The following ZNF85 variants were observed in gnomAD, a reference collection of about 807,000 sequenced individuals.
ZNF85 encodes the protein zinc finger protein 85.
In ZNF85, 50 loss-of-function variants were observed where a neutral mutation model predicts 53.9. The observed-to-expected ratio is 0.93, with a 90% CI of 0.74 to 1.17. The LOEUF (loss-of-function observed/expected upper bound fraction) is 1.17. Among genes scored for constraint, ZNF85 ranks in the 50% most tolerant of loss-of-function variants. The pLI is 0.00. For synonymous variants in ZNF85, 225 were observed against 226.1 expected (o/e 1.00, Z 0.04); for missense variants, 747 against 688.5 (o/e 1.08, Z -0.95).
chr19:20,942,630 A>G (rs1431648893), intron 3 of ZNF85, among the ~76,000 whole-genome samples: 2 of 152,112 alleles, frequency 1.3e-5, no homozygotes, highest in Non-Finnish European at 2.9e-5. Context: ...ATTTTTTTGA[A>G]ACTTGGGCAA....
In ZNF85 at chr19:20,934,077, A is replaced by G; in HGVS notation, c.57A>G (p.Gln19=). The G allele has an allele frequency of 1.2e-6, 2 of 1,612,704 alleles. No individual in the cohort carries two copies. Among genetic ancestry groups the G allele is most frequent in the Non-Finnish European group, 1.7e-6 (2 of 1,179,374 alleles). ...VAIEFSLKEW[Q]CLDTAQRNLY... The stretch of plus-strand genomic sequence containing the variant: ...TAGAATTCTCTCTGAAGGAGTGGCA[A>G]TGCCTGGACACTGCACAGCGGAATT... The change falls in exon 2 of 4, where the codon CAA becomes CAG. Residue 19 remains glutamine, a synonymous_variant. Coordinates refer to ENST00000328178, the MANE Select transcript of ZNF85 (RefSeq NM_003429.5).
chr19:20,948,593 C>A (rs1389449055), intron 3 of ZNF85, 151 bp from the exon 4 acceptor site: 8 of 560,142 alleles, frequency 1.4e-5, no homozygotes, highest in Non-Finnish European at 2.4e-5. Context: ...GTTTTTGTTA[C>A]ATTTAAATGT....
rs1478639053 is a variant in ZNF85 at position 20,945,476 on chromosome 19, A to ATTTTGTT, written c.230-3265_230-3259dup. 3 of 149,588 alleles carry ATTTTGTT rather than the reference A, an allele frequency of 2.0e-5. No homozygotes were observed. The East Asian group carries it at 5.8e-4, about 29-fold the overall frequency. The allele number at this position is 149,588 out of a possible 1,614,324, so 9.3% of individuals were successfully genotyped here. On this transcript the variant is annotated intron_variant, in intron 3 of 3. Transcript: ENST00000328178. ...TTTGAAAACTGAGGGATATTCCAGTATTTTGTTTTCTGTTTTTTTGAGGTG... is the reference window on the plus strand; with the variant it reads ...TTTGAAAACTGAGGGATATTCCAGTATTTTGTTTTTTGTTTTCTGTTTTTTTGAGGTG...
intron 3 of ZNF85, among the ~76,000 whole-genome samples, chr19:20,939,096 G>T (rs1270786044): frequency 6.6e-6 from 1 of 152,058 alleles, no homozygotes; most frequent in African/African-American, 2.4e-5. Context: ...TACAGTGCCT[G>T]CCAATGATTC....
At chr19:20,936,312 C>T (rs1214292455) in intron 3 of ZNF85, among the ~76,000 whole-genome samples, 1 of 152,218 alleles carries the variant, frequency 6.6e-6, no homozygotes, top group Non-Finnish European at 1.5e-5. Flanking sequence ...AATTCTTCTG[C>T]CACATACTTC....
At chr19:20,940,267 T>TA (rs1269868774) in intron 3 of ZNF85, among the ~76,000 whole-genome samples, 4 of 152,140 alleles carry the variant, frequency 2.6e-5, no homozygotes, top group Non-Finnish European at 1.5e-5. Context: ...TGGTTGTGGC[T>TA]CACATCTGTA....
At chr19:20,933,845 A>G (rs1004834728) in intron 1 of ZNF85, among the ~76,000 whole-genome samples, 179 bp from the exon 2 acceptor site, 12 of 152,176 alleles carry the variant, frequency 7.9e-5, no homozygotes, top group Admixed American at 6.5e-4. Flanking sequence ...TGTTAAAAAA[A>G]TTATTTTATT....
rs768371212 is a variant in ZNF85 at position 20,949,265 on chromosome 19, A to G, written c.751A>G (p.Ile251Val). The part of the protein sequence containing the change: ...QSSNLIKHKK[I>V]HTGEKPYKCE... ...CTCAAACCTTATTAAACATAAGAAA[A>G]TTCATACTGGAGAGAAACCCTACAA... is the stretch of plus-strand genomic sequence containing the variant. Residue 251 changes from isoleucine to valine, a missense_variant, in exon 4 of 4, where the codon ATT becomes GTT. Physicochemically the swap from Ile to Val is conservative, Grantham distance 29. Transcript: ENST00000328178. The G allele has an allele frequency of 1.1e-5, 18 of 1,612,720 alleles. No individual in the cohort carries two copies. The highest frequency in any genetic ancestry group is 1.4e-5 in the Non-Finnish European group (17 of 1,179,504).
At chr19:20,923,503 A>C in intron 1 of ZNF85, 100 bp downstream of exon 1, 1 of 1,584,290 alleles carries the variant, frequency 6.3e-7, no homozygotes, top group East Asian at 2.2e-5. Context: ...AGTCAGCTCC[A>C]CAATCTGCGC....
intron 2 of ZNF85, 105 bp downstream of exon 2, chr19:20,934,255 C>A (rs551274737): frequency 1.4e-6 from 2 of 1,419,902 alleles, no homozygotes; most frequent in East Asian, 2.4e-5. Context: ...AAATTAGTTT[C>A]AGATCCCTGT....
At chr19:20,933,994 T>A in intron 1 of ZNF85, 30 bp from the exon 2 acceptor site, 1 of 1,537,690 alleles carries the variant, frequency 6.5e-7, no homozygotes, top group Non-Finnish European at 8.8e-7. Flanking sequence ...TGTGTGTGTG[T>A]GTGTATGTGT....
intron 3 of ZNF85, among the ~76,000 whole-genome samples, chr19:20,947,354 T>C (rs941010458): frequency 1.3e-5 from 2 of 151,808 alleles, no homozygotes; most frequent in Non-Finnish European, 3.0e-5. Flanking sequence ...ATGATAATGC[T>C]AAGGAATTCT....
chr19:20,947,360 A>G (rs1419289018), intron 3 of ZNF85, among the ~76,000 whole-genome samples: 1 of 151,740 alleles, frequency 6.6e-6, no homozygotes, highest in African/African-American at 2.4e-5. Context: ...ATGCTAAGGA[A>G]TTCTAATTTT....
At chr19:20,942,753 G>T in intron 3 of ZNF85, 1 of 683,988 alleles carries the variant, frequency 1.5e-6, no homozygotes, top group Non-Finnish European at 2.7e-6. Context: ...TATAATTTTT[G>T]TCTGCTTAAA....
At chr19:20,937,398 T>C (rs1230266406) in intron 3 of ZNF85, 2 of 455,466 alleles carry the variant, frequency 4.4e-6, no homozygotes, top group Admixed American at 4.7e-5. Flanking sequence ...GGTGACGGGA[T>C]GCCCTCTGAG....
chr19:20,948,764 C>T lies in ZNF85; in HGVS notation c.250C>T (p.Gln84Ter), dbSNP rs1224311662. ...TTCAGTTATGTGTTCTCATTTTGCC[C>T]AAGACCTTTGGCCGGAGCAGAATAT... ...KPTVMCSHFA[Q>*]DLWPEQNIKD... Residue 84 changes from glutamine to a stop codon, truncating the protein, a stop_gained, in exon 4 of 4, where the codon CAA (glutamine) becomes TAA (stop). Transcript: ENST00000328178. LOFTEE classifies it high-confidence loss of function. 7 of 1,567,656 alleles carry T rather than the reference C, an allele frequency of 4.5e-6. No homozygotes were observed. In the South Asian group the frequency reaches 8.6e-5, roughly 19 times the overall value.
Position 20,949,689 on chromosome 19 carries a change from A to G in ZNF85, c.1175A>G (p.His392Arg). The G allele has an allele frequency of 6.2e-7, 1 of 1,613,302 alleles. No individual in the cohort carries two copies. The highest frequency in any genetic ancestry group is 8.5e-7 in the Non-Finnish European group (1 of 1,179,546). The change falls in exon 4 of 4, where the codon CAT becomes CGT. Residue 392 changes from histidine to arginine, a missense_variant. His to Arg is a conservative substitution (Grantham distance 29). Coordinates refer to ENST00000328178, the MANE Select transcript of ZNF85 (RefSeq NM_003429.5). ...CACCTTACTACACATAAGATAATTCATACTGGAGAGAAACCTTACAAATGT... is the reference window on the plus strand; with the variant it reads ...CACCTTACTACACATAAGATAATTCGTACTGGAGAGAAACCTTACAAATGT... ...FSHLTTHKIIHTGEKPYKCKE... is the reference protein window; with the variant it reads ...FSHLTTHKIIRTGEKPYKCKE...
chr19:20,944,375 T>C (rs896633208), intron 3 of ZNF85: 1 of 151,626 alleles, frequency 6.6e-6, no homozygotes, highest in African/African-American at 2.4e-5. Context: ...GTAGCAGTTT[T>C]TGTAGGACTG....
At chr19:20,937,644 T>C (rs1310773783) in intron 3 of ZNF85, among the ~76,000 whole-genome samples, 1 of 152,194 alleles carries the variant, frequency 6.6e-6, no homozygotes, top group Non-Finnish European at 1.5e-5. Flanking sequence ...TGGCTTTCAC[T>C]GAATACCAGA....
Sources: allele counts gnomAD v4.1 joint callset (sites outside exome capture counted in the v4.1 genomes callset), GRCh38; gene constraint gnomAD v4.1.1; transcripts MANE v1.5; gene names NCBI Gene and HGNC (gene_info 2026-07-23, HGNC 2026-07-21).